CPXM2: variants seen among roughly 807,000 people sequenced by gnomAD.
The protein encoded by CPXM2 is inactive carboxypeptidase-like protein X2.
In CPXM2, 66 loss-of-function variants were observed where a neutral mutation model predicts 86.1. That is an observed-to-expected ratio of 0.77 (90% confidence interval 0.63 to 0.94). CPXM2 has a LOEUF of 0.94. Among genes scored for constraint, CPXM2 ranks in the 40% least tolerant of loss-of-function variants. CPXM2 has a pLI of 0.00. For missense variants in CPXM2, 948 were observed against 1,026.3 expected, an observed-to-expected ratio of 0.92 and a Z score of 1.04; for synonymous variants, 388 against 400.2, an observed-to-expected ratio of 0.97 and a Z score of 0.36.
chr10:123,923,548 T>TCCAGC (rs970480878), intron 2 of CPXM2, among the ~76,000 whole-genome samples: 1 of 149,714 alleles, frequency 6.7e-6, no homozygotes, highest in Non-Finnish European at 1.5e-5. Flanking sequence ...GCCACTGCAC[T>TCCAGC]CCAGCCTGGG....
At chr10:123,898,977 T>C (rs1945360651) in intron 2 of CPXM2, among the ~76,000 whole-genome samples, 1 of 152,126 alleles carries the variant, frequency 6.6e-6, no homozygotes, top group Non-Finnish European at 1.5e-5. Flanking sequence ...CTCGAACTCC[T>C]GACCTCAGGT....
rs916462086 is a variant in CPXM2, at chr10:123,930,481, G to A, written n.174+8996C>T. On this transcript the variant is annotated intron_variant and non_coding_transcript_variant, in intron 2 of 19. Coordinates refer to the CPXM2 transcript ENST00000368854. ...GGACCAGGACTGCAGGAGAGGCCAC[G>A]TGAGTGCTGGTACCTTTGTGGGTTC... Among the ~76,000 whole-genome samples the A allele has an allele frequency of 3.9e-5, 6 of 152,326 alleles. No individual in the cohort carries two copies. The East Asian group carries it at 7.7e-4, about 20-fold the overall frequency.
At chr10:123,805,526 G>A (rs76791320) in intron 4 of CPXM2, among the ~76,000 whole-genome samples, 2,989 of 151,930 alleles carry the variant, frequency 0.02, 88 homozygotes, top group African/African-American at 0.061. Context: ...TTTTATTACC[G>A]ATTCCTAGTT....
chr10:123,786,315 C>T lies in CPXM2; in HGVS notation c.890-6060G>A, dbSNP rs560390489. Among the ~76,000 whole-genome samples, 15 of 152,298 alleles carry T rather than the reference C, an allele frequency of 9.8e-5. 1 individual carries two copies. The East Asian group carries it at 1.4e-3, about 14-fold the overall frequency. The stretch of plus-strand genomic sequence containing the variant: ...GAGCACACGCTTCTGTAGACAGAGA[C>T]GGACGGGTGGCAAAGGCTGCGTTCC... On this transcript the variant is annotated intron_variant, in intron 6 of 13. Coordinates refer to ENST00000241305, the MANE Select transcript of CPXM2 (RefSeq NM_198148.3).
chr10:123,775,074 C>A (rs146446903), intron 7 of CPXM2, among the ~76,000 whole-genome samples: 6 of 152,196 alleles, frequency 3.9e-5, no homozygotes, highest in Non-Finnish European at 8.8e-5. Context: ...ATTTACCCTG[C>A]GTCACCCAGC....
At chr10:123,797,360 T>G (rs1467739083) in intron 6 of CPXM2, among the ~76,000 whole-genome samples, 11 of 152,222 alleles carry the variant, frequency 7.2e-5, no homozygotes, top group Non-Finnish European at 1.5e-5. Context: ...AATTTTCTTT[T>G]TTCTCACTTC....
At chr10:123,862,521 C>T (rs1301281498) in intron 3 of CPXM2, 93 bp downstream of exon 3, 4 of 1,056,722 alleles carry the variant, frequency 3.8e-6, no homozygotes, top group Non-Finnish European at 5.8e-6. Flanking sequence ...CAGGCTAATG[C>T]ATTTTAAATC....
Position 123,757,295 on chromosome 10 carries a change from C to T in CPXM2, c.1835G>A (p.Gly612Asp). ...TNCFELSIYV[G>D]CDKYPHESQL... ...GCTCTCATGTGGGTATTTATCACAG[C>T]CCACGTAGATGGACAGTTCGAAGCA... Residue 612 changes from glycine (G) to aspartate (D), a missense_variant, in exon 12 of 14, where the codon GGC becomes GAC. Coordinates refer to ENST00000241305, the MANE Select transcript of CPXM2 (RefSeq NM_198148.3). 6.2e-7 allele frequency: 1 copy of T among 1,613,464 alleles called. No homozygotes were observed.
intron 4 of CPXM2, among the ~76,000 whole-genome samples, chr10:123,836,135 C>G (rs61863837): frequency 1.3e-5 from 2 of 151,968 alleles, no homozygotes; most frequent in Non-Finnish European, 2.9e-5. Context: ...ATCCCCGCAA[C>G]GGGGATGGTG....
chr10:123,763,561 C>T (rs537443252), intron 10 of CPXM2, among the ~76,000 whole-genome samples: 18 of 150,630 alleles, frequency 1.2e-4, no homozygotes, highest in East Asian at 5.8e-4. Flanking sequence ...AAAAAAAAGG[C>T]GGGGGCAGAG....
chr10:123,753,400 C>T (rs1846124867), intron 13 of CPXM2, among the ~76,000 whole-genome samples: 1 of 152,164 alleles, frequency 6.6e-6, no homozygotes, highest in Non-Finnish European at 1.5e-5. Flanking sequence ...GGGCAGAGTC[C>T]TCTGGGACCC....
chr10:123,813,860 T>C (rs1293485053), intron 4 of CPXM2, among the ~76,000 whole-genome samples: 2 of 152,192 alleles, frequency 1.3e-5, no homozygotes, highest in African/African-American at 2.4e-5. Context: ...GTGGGAGTTA[T>C]TTTTCCACTT....
intron 2 of CPXM2, among the ~76,000 whole-genome samples, chr10:123,912,397 G>A (rs1412060985): frequency 6.6e-6 from 1 of 151,524 alleles, no homozygotes; most frequent in African/African-American, 2.4e-5. Context: ...AGTGAGGCCT[G>A]TTGCACTGGC....
intron 2 of CPXM2, among the ~76,000 whole-genome samples, chr10:123,898,933 G>A (rs1030829522): frequency 6.6e-5 from 10 of 151,932 alleles, no homozygotes; most frequent in South Asian, 2.1e-4. Flanking sequence ...TTTTCATAGC[G>A]CAGATGGGGG....
chr10:123,818,232 C>A (rs1360477739), intron 4 of CPXM2, among the ~76,000 whole-genome samples: 1 of 152,150 alleles, frequency 6.6e-6, no homozygotes, highest in East Asian at 1.9e-4. Context: ...CCCCAGCCAC[C>A]CCTGTAATCG....
chr10:123,929,296 C>A (rs1318030557), intron 2 of CPXM2, among the ~76,000 whole-genome samples: 3 of 152,176 alleles, frequency 2.0e-5, no homozygotes, highest in Non-Finnish European at 4.4e-5. Context: ...TGAGGCCAGA[C>A]CCCGGGCCCA....
chr10:123,893,510 C>G (rs142167426), upstream of CPXM2, among the ~76,000 whole-genome samples: 1 of 152,326 alleles, frequency 6.6e-6, no homozygotes, highest in African/African-American at 2.4e-5. Context: ...CTGGTTGAGG[C>G]AGGGCCTGTC....
chr10:123,851,748 G>A (rs1848602106), intron 3 of CPXM2, among the ~76,000 whole-genome samples: 1 of 143,334 alleles, frequency 7.0e-6, no homozygotes, highest in South Asian at 2.3e-4. Flanking sequence ...CAGCCTGGGT[G>A]ACAGAACGAG....
At chr10:123,854,469 T>A (rs1019670200) in intron 3 of CPXM2, among the ~76,000 whole-genome samples, 1 of 132,612 alleles carries the variant, frequency 7.5e-6, no homozygotes, top group Non-Finnish European at 1.5e-5. Context: ...TAATATATAT[T>A]TTATATATAT....
Sources: allele counts gnomAD v4.1 joint callset (sites outside exome capture counted in the v4.1 genomes callset), GRCh38; gene constraint gnomAD v4.1.1; transcripts MANE v1.5; gene names NCBI Gene and HGNC (gene_info 2026-07-23, HGNC 2026-07-21).